The following LRRC4C variants were observed in gnomAD, a reference collection of about 807,000 sequenced individuals.
LRRC4C encodes the protein leucine-rich repeat-containing protein 4C.
A neutral mutation model predicts 33.6 loss-of-function variants in LRRC4C; 5 were observed. The ratio of observed to expected loss-of-function variants is 0.15; its 90% CI spans 0.08 to 0.31. The LOEUF (loss-of-function observed/expected upper bound fraction) is 0.31, where lower values mean the gene tolerates loss of function less well. LRRC4C is among the 10% of genes least tolerant of loss of function. The pLI, the probability that LRRC4C is intolerant of heterozygous loss-of-function variation, is 1.00. For missense variants in LRRC4C, 560 were observed against 796.7 expected (o/e 0.70, Z 3.58); for synonymous variants, 329 against 302.0 (o/e 1.09, Z -0.93).
At chr11:40,833,627 G>A (rs1237531816) in intron 2 of LRRC4C, among the ~76,000 whole-genome samples, 2 of 151,796 alleles carry the variant, frequency 1.3e-5, no homozygotes, top group South Asian at 2.1e-4. Context: ...TTTTGTATAT[G>A]TCTTTCAGTT....
At chr11:40,193,025 G>GA (rs1202033981) in intron 5 of LRRC4C, among the ~76,000 whole-genome samples, 1 of 152,206 alleles carries the variant, frequency 6.6e-6, no homozygotes, top group African/African-American at 2.4e-5. Flanking sequence ...TGTGGGTGCA[G>GA]CTTCAGCAGA....
intron 1 of LRRC4C, among the ~76,000 whole-genome samples, chr11:41,339,465 G>A (rs1439538534): frequency 6.6e-6 from 1 of 152,040 alleles, no homozygotes; most frequent in African/African-American, 2.4e-5. Context: ...GAAATGCAAA[G>A]GTCATTTGCA....
intron 1 of LRRC4C, among the ~76,000 whole-genome samples, chr11:41,198,866 C>T (rs1189159609): frequency 1.3e-5 from 2 of 152,064 alleles, no homozygotes; most frequent in Non-Finnish European, 2.9e-5. Flanking sequence ...ATTTACTGAA[C>T]AGTTAGTGAA....
At chr11:40,951,837 C>T (rs993905880) in intron 1 of LRRC4C, among the ~76,000 whole-genome samples, 7 of 151,802 alleles carry the variant, frequency 4.6e-5, no homozygotes, top group Admixed American at 3.9e-4. Context: ...TTGAGTAGCA[C>T]ATAGTTTCTG....
At chr11:41,165,814 G>C (rs1944696512) in intron 1 of LRRC4C, among the ~76,000 whole-genome samples, 1 of 152,074 alleles carries the variant, frequency 6.6e-6, no homozygotes, top group Non-Finnish European at 1.5e-5. Flanking sequence ...TGGACCACCT[G>C]AGGCCAGGAG....
chr11:40,347,756 G>A (rs987652664), intron 3 of LRRC4C, among the ~76,000 whole-genome samples: 7 of 152,110 alleles, frequency 4.6e-5, no homozygotes, highest in African/African-American at 1.7e-4. Flanking sequence ...TTACAGGCAT[G>A]CACCACCACA....
chr11:41,018,835 T>A (rs369848644), intron 1 of LRRC4C, among the ~76,000 whole-genome samples: 5 of 152,266 alleles, frequency 3.3e-5, no homozygotes, highest in African/African-American at 1.2e-4. Context: ...AAAATTTTCT[T>A]AACTAGACCA....
chr11:41,218,303 G>A (rs1054395994), intron 1 of LRRC4C, among the ~76,000 whole-genome samples: 1 of 152,158 alleles, frequency 6.6e-6, no homozygotes, highest in African/African-American at 2.4e-5. Context: ...CATATAGAAA[G>A]TGATCACATA....
chr11:40,532,634 T>A (rs1056027446), intron 3 of LRRC4C, among the ~76,000 whole-genome samples: 2 of 150,136 alleles, frequency 1.3e-5, no homozygotes, highest in South Asian at 4.2e-4. Flanking sequence ...GTAGTAGTCT[T>A]TATTGTAAAA....
chr11:41,246,235 C>T (rs913192190), intron 1 of LRRC4C, among the ~76,000 whole-genome samples: 5 of 152,174 alleles, frequency 3.3e-5, no homozygotes, highest in African/African-American at 1.2e-4. Flanking sequence ...CTCCCAGGCT[C>T]ATCGGCACCC....
At chr11:40,315,130 G>A (rs1458679454) in intron 4 of LRRC4C, among the ~76,000 whole-genome samples, 1 of 151,872 alleles carries the variant, frequency 6.6e-6, no homozygotes, top group Non-Finnish European at 1.5e-5. Flanking sequence ...CTGTATTGCA[G>A]TATCACTGTA....
intron 3 of LRRC4C, among the ~76,000 whole-genome samples, chr11:40,557,110 G>A (rs1197880078): frequency 6.6e-6 from 1 of 152,014 alleles, no homozygotes. Flanking sequence ...TATTGATATT[G>A]AAATAAAATG....
intron 1 of LRRC4C, among the ~76,000 whole-genome samples, chr11:41,077,061 C>T (rs1283393372): frequency 6.6e-6 from 1 of 152,196 alleles, no homozygotes; most frequent in Non-Finnish European, 1.5e-5. Context: ...GAATGTTATG[C>T]AAGGGGTGGG....
In LRRC4C at chr11:40,987,671, A is replaced by AT. The variant is rs1565274664; in HGVS notation, c.-495-53949_-495-53948insA. Among the ~76,000 whole-genome samples, 20 of 22,652 alleles carry AT rather than the reference A, an allele frequency of 8.8e-4. 1 individual carries two copies. Among genetic ancestry groups the AT allele is most frequent in the Middle Eastern group, 0.028 (1 of 36 alleles). 14.9% of individuals were successfully genotyped at this position (22,652 alleles called of 152,430 possible). A position where few individuals can be genotyped will look rare whatever the true frequency, so the allele number is the denominator to read the frequency against. On this transcript the variant is annotated intron_variant, in intron 1 of 6. Coordinates refer to ENST00000528697, the MANE Select transcript of LRRC4C (RefSeq NM_001258419.2). The stretch of plus-strand genomic sequence containing the variant: ...TATATATCTCATATATATGAGATAT[A>AT]AATGATATATATATATATATCTCAT...
At chr11:40,394,622 G>T (rs1228557017) in intron 3 of LRRC4C, among the ~76,000 whole-genome samples, 1 of 152,084 alleles carries the variant, frequency 6.6e-6, no homozygotes, top group East Asian at 1.9e-4. Context: ...AGTTCCACAT[G>T]CCACCTCAAA....
chr11:41,383,811 A>G (rs1415525343), intron 1 of LRRC4C, among the ~76,000 whole-genome samples: 2 of 152,102 alleles, frequency 1.3e-5, no homozygotes, highest in African/African-American at 4.8e-5. Context: ...CAGACTAGAA[A>G]AAAAAAATTC....
intron 3 of LRRC4C, among the ~76,000 whole-genome samples, chr11:40,573,517 C>T (rs1020290500): frequency 2.6e-5 from 4 of 152,116 alleles, no homozygotes; most frequent in African/African-American, 9.7e-5. Context: ...TTTTTTCAGA[C>T]TCAGTTCCAG....
chr11:40,856,305 C>A (rs1252059689), intron 2 of LRRC4C, among the ~76,000 whole-genome samples: 1 of 152,156 alleles, frequency 6.6e-6, no homozygotes, highest in Non-Finnish European at 1.5e-5. Flanking sequence ...AGAAATTGTT[C>A]TGTTAACTAG....
rs1388811135 is a variant in LRRC4C at position 41,039,012 on chromosome 11, C to T, written c.-495-105289G>A. 3.3e-5 allele frequency among the ~76,000 whole-genome samples: 5 copies of T among 152,024 alleles called. No homozygotes were observed. The East Asian group carries it at 9.6e-4, about 29-fold the overall frequency. ...TAGCCAAAAATTCTTTGCCAAGGCT[C>T]GATATCAAGATGGGTATTCCTAGGT... On this transcript the variant is annotated intron_variant, in intron 1 of 6. Coordinates refer to ENST00000528697, the MANE Select transcript of LRRC4C (RefSeq NM_001258419.2).
Sources: gnomAD v4.1 joint callset for allele counts (sites outside exome capture counted in the v4.1 genomes callset) on GRCh38, gnomAD v4.1.1 for gene constraint, MANE v1.5 for transcripts, NCBI Gene and HGNC (gene_info 2026-07-23, HGNC 2026-07-21) for gene names.